Variants in NUP98 observed in about 807,000 individuals in gnomAD.
NUP98 encodes nuclear pore complex protein Nup98-Nup96.
Under a neutral mutation model 191.9 loss-of-function variants are expected in NUP98, and 26 were observed. The ratio of observed to expected loss-of-function variants is 0.14; its 90% confidence interval spans 0.10 to 0.19. The LOEUF (loss-of-function observed/expected upper bound fraction) is 0.19. Among genes scored for constraint, NUP98 ranks in the 10% least tolerant of loss-of-function variants. The probability of loss-of-function intolerance (pLI) is 1.00; values close to 1 mark genes in which losing one functional copy is unlikely to be tolerated. For synonymous variants in NUP98, 808 were observed against 778.4 expected (o/e 1.04, Z -0.63); for missense variants, 1,941 against 2,178.8 (o/e 0.89, Z 2.17).
chr11:3,730,924 C>G (rs1046557494), intron 14 of NUP98, among the ~76,000 whole-genome samples: 1 of 152,144 alleles, frequency 6.6e-6, no homozygotes, highest in East Asian at 1.9e-4. Context: ...TGGGAGTGAT[C>G]GGGTGACTTT....
intron 28 of NUP98, among the ~76,000 whole-genome samples, chr11:3,688,797 A>T (rs979179941): frequency 1.5e-5 from 2 of 137,026 alleles, no homozygotes; most frequent in African/African-American, 2.6e-5. Flanking sequence ...TGTCTCGAAA[A>T]TATATATATG....
chr11:3,777,098 A>T (rs2081759229), intron 4 of NUP98, among the ~76,000 whole-genome samples: 1 of 152,204 alleles, frequency 6.6e-6, no homozygotes, highest in African/African-American at 2.4e-5. Context: ...TTTAGAATAT[A>T]CAAGTGGTCC....
chr11:3,753,250 T>C, intron 11 of NUP98, 66 bp downstream of exon 11: 1 of 1,327,526 alleles, frequency 7.5e-7, no homozygotes, highest in East Asian at 2.3e-5. Context: ...AACAGATCTC[T>C]CAAGTTCCAG....
intron 20 of NUP98, chr11:3,711,660 T>G (rs1485721989): frequency 5.2e-6 from 1 of 192,512 alleles, no homozygotes. Context: ...TGAATATGGA[T>G]AACTGGAAAA....
At chr11:3,745,747 A>G (rs1326407170) in intron 11 of NUP98, among the ~76,000 whole-genome samples, 4 of 152,156 alleles carry the variant, frequency 2.6e-5, no homozygotes, top group Admixed American at 6.6e-5. Flanking sequence ...ATCACCATGC[A>G]TGGCTTCTGA....
chr11:3,796,994 C>T (rs2082657659), intron 1 of NUP98, among the ~76,000 whole-genome samples: 1 of 152,210 alleles, frequency 6.6e-6, no homozygotes, highest in Admixed American at 6.5e-5. Context: ...ATGGAGAAGC[C>T]AAGGCAAATA....
At chr11:3,731,353 ATT>A (rs1447987327) in intron 14 of NUP98, 36 bp downstream of exon 14, 1 of 1,363,186 alleles carries the variant, frequency 7.3e-7, no homozygotes, top group Non-Finnish European at 1.0e-6. Flanking sequence ...TTATATCAGT[ATT>A]TTACACTTAA....
chr11:3,753,541 T>A (rs2080843353), intron 10 of NUP98, 133 bp from the exon 11 acceptor site: 3 of 623,998 alleles, frequency 4.8e-6, no homozygotes, highest in Non-Finnish European at 8.3e-6. Flanking sequence ...TCCTAACTTG[T>A]AGGATAACTT....
intron 1 of NUP98, among the ~76,000 whole-genome samples, chr11:3,782,426 T>A (rs968678280): frequency 2.6e-5 from 4 of 152,084 alleles, no homozygotes; most frequent in Non-Finnish European, 5.9e-5. Flanking sequence ...TCTTTTTTTT[T>A]TTTTAACCTA....
intron 18 of NUP98, among the ~76,000 whole-genome samples, chr11:3,716,035 G>C (rs1036235660): frequency 2.6e-5 from 4 of 152,240 alleles, no homozygotes; most frequent in African/African-American, 7.2e-5. Flanking sequence ...CTTATAGGTT[G>C]CCTTTTCACT....
At chr11:3,698,265 GA>G (rs1343928665) in intron 25 of NUP98, among the ~76,000 whole-genome samples, 3 of 152,156 alleles carry the variant, frequency 2.0e-5, no homozygotes, top group African/African-American at 7.2e-5. Context: ...ACAAAGTAAA[GA>G]ATTAAGTACA....
Position 3,700,759 on chromosome 11 carries a change from T to G in NUP98, c.3593A>C (p.Tyr1198Ser). 6.2e-7 allele frequency: 1 copy of G among 1,614,168 alleles called. No homozygotes were observed. The highest frequency in any genetic ancestry group is 8.5e-7 in the Non-Finnish European group (1 of 1,180,020). The change falls in exon 24 of 33, where the codon TAT becomes TCT. Residue 1198 changes from tyrosine to serine, a missense_variant. Transcript: ENST00000324932. ...QRKPDEDMKL[Y>S]QTPLELKLKH... is the part of the protein sequence containing the mutation. ...TAATTTGAGCTCCAGAGGTGTCTGATATAATTTCATGTCTTCATCTGGCTT... is the reference window on the plus strand; with the variant it reads ...TAATTTGAGCTCCAGAGGTGTCTGAGATAATTTCATGTCTTCATCTGGCTT...
chr11:3,700,976 T>C, intron 23 of NUP98, 137 bp from the exon 24 acceptor site: 1 of 676,706 alleles, frequency 1.5e-6, no homozygotes, highest in Non-Finnish European at 2.5e-6. Context: ...AAAGAAATTT[T>C]GTTTCTTAAA....
intron 12 of NUP98, among the ~76,000 whole-genome samples, chr11:3,744,241 T>C (rs2080403816): frequency 6.6e-6 from 1 of 152,106 alleles, no homozygotes; most frequent in African/African-American, 2.4e-5. Flanking sequence ...CACAGTAATA[T>C]AAGCACATTT....
Position 3,732,558 on chromosome 11 carries a change from C to CTTGTA in NUP98, c.1543-985_1543-981dup, listed in dbSNP as rs200342319. On this transcript the variant is annotated intron_variant, in intron 13 of 32. Coordinates refer to ENST00000324932, the MANE Select transcript of NUP98 (RefSeq NM_016320.5). ...TGGGGAAAAAAAAGGCAGATACTAG[C>CTTGTA]TTGTATTTATCCATCTTTTAGTAAA... Among the ~76,000 whole-genome samples, 214 of 152,272 alleles carry CTTGTA rather than the reference C, an allele frequency of 1.4e-3. 4 individuals are homozygous for CTTGTA. The East Asian group carries it at 0.03, about 21-fold the overall frequency.
At chr11:3,687,600 A>C (rs563629038) in intron 28 of NUP98, among the ~76,000 whole-genome samples, 1 of 152,246 alleles carries the variant, frequency 6.6e-6, no homozygotes, top group Non-Finnish European at 1.5e-5. Context: ...TTCTTTGAAA[A>C]GGTCAATATG....
chr11:3,746,864 G>A (rs1192733876), intron 11 of NUP98, among the ~76,000 whole-genome samples: 1 of 148,030 alleles, frequency 6.8e-6, no homozygotes, highest in Non-Finnish European at 1.5e-5. Flanking sequence ...AGTGAGCCGA[G>A]ATCATGCCAT....
In NUP98 at chr11:3,705,236, T is replaced by C; in HGVS notation, c.3046A>G (p.Ile1016Val). Residue 1016 changes from isoleucine (I) to valine (V), a missense_variant, in exon 22 of 33, where the codon ATT becomes GTT. By Grantham distance (29) the Ile-to-Val change is conservative. Coordinates refer to ENST00000324932, the MANE Select transcript of NUP98 (RefSeq NM_016320.5). ...GTTTTCGACGAGTGGGATGCTGAAATGGGGAGTCTGGGAGAACAGATTTCT... is the reference window on the plus strand; with the variant it reads ...GTTTTCGACGAGTGGGATGCTGAAACGGGGAGTCTGGGAGAACAGATTTCT... ...SQEICSPRLP[I>V]SASHSSKTRS... 6.2e-7 allele frequency: 1 copy of C among 1,614,136 alleles called. No individual in the cohort carries two copies. Among genetic ancestry groups the C allele is most frequent in the Non-Finnish European group, 8.5e-7 (1 of 1,180,018 alleles).
intron 12 of NUP98, among the ~76,000 whole-genome samples, chr11:3,740,491 T>C (rs1051822202): frequency 1.3e-5 from 2 of 151,592 alleles, no homozygotes; most frequent in African/African-American, 4.9e-5. Flanking sequence ...CACTCCAGTC[T>C]TGGGGAGAGA....
Sources: gnomAD v4.1 joint callset for allele counts (sites outside exome capture counted in the v4.1 genomes callset) on GRCh38, gnomAD v4.1.1 for gene constraint, MANE v1.5 for transcripts, NCBI Gene and HGNC (gene_info 2026-07-23, HGNC 2026-07-21) for gene names.